The following TG variants were observed in gnomAD, a reference collection of about 807,000 sequenced individuals.
TG encodes thyroglobulin, also known as thyroid hormones.
A neutral mutation model predicts 324.7 loss-of-function variants in TG; 270 were observed. The observed-to-expected ratio is 0.83, with a 90% CI of 0.75 to 0.92. The LOEUF (loss-of-function observed/expected upper bound fraction) is 0.92. Ranked by LOEUF, TG falls within the 40% of genes least tolerant of loss-of-function variation. TG has a pLI of 0.00. For missense variants in TG, 3,591 were observed against 3,456.4 expected, an observed-to-expected ratio of 1.04 and a Z score of -0.98; for synonymous variants, 1,401 against 1,327.0, an observed-to-expected ratio of 1.06 and a Z score of -1.21.
intron 41 of TG, chr8:133,037,098 G>C (rs1837245405): frequency 6.6e-6 from 1 of 152,236 alleles, no homozygotes; most frequent in Non-Finnish European, 1.5e-5. Context: ...GATGAGCTCA[G>C]ATGGACGGAA....
chr8:132,939,291 A>C (rs573918900), intron 25 of TG, among the ~76,000 whole-genome samples: 50 of 152,338 alleles, frequency 3.3e-4, no homozygotes, highest in African/African-American at 1.1e-3. Flanking sequence ...ATTGATTTTT[A>C]AATAGTCACA....
chr8:132,923,629 T>G, intron 22 of TG, 121 bp downstream of exon 22: 2 of 1,238,000 alleles, frequency 1.6e-6, no homozygotes, highest in South Asian at 3.2e-5. Context: ...TTTGAAAAAT[T>G]TTAATCTGTG....
At chr8:133,104,485 A>G (rs77850486) in intron 43 of TG, among the ~76,000 whole-genome samples, 4,251 of 152,254 alleles carry the variant, frequency 0.028, 211 homozygotes, top group African/African-American at 0.097. Context: ...ACAGTAAAAA[A>G]TGATCAGATT....
At chr8:133,113,653 C>A in intron 44 of TG, 50 bp downstream of exon 44, 1 of 1,592,880 alleles carries the variant, frequency 6.3e-7, no homozygotes, top group South Asian at 1.1e-5. Flanking sequence ...TGTTTTGGAG[C>A]AGACTCAGTT....
chr8:133,083,352 CAT>C (rs536047308), intron 41 of TG, among the ~76,000 whole-genome samples: 71 of 152,298 alleles, frequency 4.7e-4, no homozygotes, highest in African/African-American at 1.6e-3. Context: ...AAACTTGAAA[CAT>C]GTATGCACTT....
intron 21 of TG, among the ~76,000 whole-genome samples, chr8:132,920,592 T>C (rs1820965024): frequency 1.3e-5 from 2 of 152,304 alleles, no homozygotes; most frequent in South Asian, 4.1e-4. Context: ...GTACTTGTAG[T>C]TTGAGATGAC....
In TG at chr8:132,935,864, G is replaced by T. The variant is rs1011422832; in HGVS notation, c.5041G>T (p.Gly1681Cys). 6.2e-7 allele frequency: 1 copy of T among 1,611,852 alleles called. No homozygotes were observed. The highest frequency in any genetic ancestry group is 8.5e-7 in the Non-Finnish European group (1 of 1,179,712). ...QDSPAVYLKK[G>C]QGSTTTLQKR... ...TTCTCCAGCTGTGTATTTGAAAAAG[G>T]GTAGGTTGGTCAGGCTGGTTGGCTT... The change falls in exon 25 of 48, where the codon GGC (glycine) becomes TGC (cysteine). Residue 1681 changes from glycine (G) to cysteine (C), a missense_variant and splice_region_variant. Gly to Cys is a radical substitution (Grantham distance 159). Coordinates refer to ENST00000220616, the MANE Select transcript of TG (RefSeq NM_003235.5).
intron 21 of TG, among the ~76,000 whole-genome samples, chr8:132,920,713 A>G (rs1350142632): frequency 1.3e-5 from 2 of 152,218 alleles, no homozygotes; most frequent in African/African-American, 4.8e-5. Flanking sequence ...AATAGAGGAC[A>G]CAGGTTGAGG....
intron 34 of TG, among the ~76,000 whole-genome samples, chr8:132,982,045 A>G (rs1015335441): frequency 2.6e-5 from 4 of 152,166 alleles, no homozygotes; most frequent in East Asian, 1.9e-4. Context: ...AGAGTATATT[A>G]TTGTTAAAGG....
At chr8:132,898,694 C>A in intron 13 of TG, 104 bp from the exon 14 acceptor site, 1 of 904,874 alleles carries the variant, frequency 1.1e-6, no homozygotes, top group Non-Finnish European at 1.8e-6. Flanking sequence ...AGAGCACCTG[C>A]ATTCACCCAG....
intron 5 of TG, among the ~76,000 whole-genome samples, chr8:132,876,219 C>A (rs1813768448): frequency 6.6e-6 from 1 of 151,908 alleles, no homozygotes; most frequent in Admixed American, 6.6e-5. Context: ...TGACATGGAG[C>A]AAGTGTCGGA....
chr8:133,113,782 A>T, intron 44 of TG, 179 bp downstream of exon 44: 2 of 728,284 alleles, frequency 2.7e-6, no homozygotes, highest in Admixed American at 2.8e-5. Flanking sequence ...GCCCTGGAGG[A>T]CATGTAGGGT....
intron 39 of TG, among the ~76,000 whole-genome samples, chr8:133,020,581 G>C: frequency 6.6e-6 from 1 of 152,128 alleles, no homozygotes; most frequent in East Asian, 1.9e-4. Context: ...GACCACTCAG[G>C]CTGGTCTTTC....
intron 43 of TG, among the ~76,000 whole-genome samples, chr8:133,111,738 C>T (rs1009744370): frequency 1.3e-5 from 2 of 152,198 alleles, no homozygotes; most frequent in African/African-American, 4.8e-5. Flanking sequence ...CTTACATGAT[C>T]ATGGTCAAAA....
intron 41 of TG, among the ~76,000 whole-genome samples, chr8:133,031,939 G>A (rs932954385): frequency 1.1e-4 from 16 of 152,130 alleles, no homozygotes; most frequent in African/African-American, 3.6e-4. Flanking sequence ...CTGCCTGTAC[G>A]TCTCCTATGC....
intron 26 of TG, among the ~76,000 whole-genome samples, chr8:132,946,700 G>T (rs1053969127): frequency 6.6e-6 from 1 of 152,058 alleles, no homozygotes; most frequent in African/African-American, 2.4e-5. Context: ...AATTCATGGG[G>T]CTTCTGAACT....
chr8:132,921,284 C>T (rs1821075683), intron 21 of TG, among the ~76,000 whole-genome samples: 1 of 152,196 alleles, frequency 6.6e-6, no homozygotes, highest in Non-Finnish European at 1.5e-5. Flanking sequence ...AAACAATAAG[C>T]ATTTATTCCC....
In TG at chr8:132,866,964, T is replaced by A; in HGVS notation, c.-37T>A. The A allele has an allele frequency of 6.5e-7, 1 of 1,537,394 alleles. No homozygotes were observed. Among genetic ancestry groups the A allele is most frequent in the Non-Finnish European group, 8.9e-7 (1 of 1,128,738 alleles). On this transcript the variant is annotated 5_prime_UTR_variant, in exon 1 of 48. Transcript: ENST00000220616. ...TGGCCAGGGGACCTAGGGCAAGCAG[T>A]GGTTTCTCCTCCTTCCTCCCAGGAA...
chr8:132,999,716 C>T (rs1347734253), intron 35 of TG, among the ~76,000 whole-genome samples: 1 of 152,204 alleles, frequency 6.6e-6, no homozygotes, highest in Non-Finnish European at 1.5e-5. Context: ...ACAAATGTGG[C>T]TGGTGAGGCC....
Sources: gnomAD v4.1 joint callset for allele counts (sites outside exome capture counted in the v4.1 genomes callset) on GRCh38, gnomAD v4.1.1 for gene constraint, MANE v1.5 for transcripts, NCBI Gene and HGNC (gene_info 2026-07-23, HGNC 2026-07-21) for gene names.